The following MPP7 variants were observed in gnomAD, a reference collection of about 807,000 sequenced individuals.
MPP7 encodes the protein MAGUK p55 subfamily member 7.
MPP7 carries 60 observed loss-of-function variants against 76.5 expected under a neutral mutation model. That is an observed-to-expected ratio of 0.78 (90% confidence interval 0.64 to 0.97). MPP7 has a LOEUF of 0.97. MPP7 is among the 50% of genes least tolerant of loss of function. MPP7 has a pLI of 0.00. For missense variants in MPP7, 641 were observed against 694.0 expected (o/e 0.92, Z 0.86); for synonymous variants, 237 against 244.5 (o/e 0.97, Z 0.29).
intron 3 of MPP7, among the ~76,000 whole-genome samples, chr10:28,150,918 T>G (rs913953926): frequency 5.3e-5 from 8 of 152,288 alleles, no homozygotes; most frequent in Non-Finnish European, 1.2e-4. Flanking sequence ...TGTCAGCACT[T>G]AAGTTTCATC....
intron 3 of MPP7, among the ~76,000 whole-genome samples, chr10:28,170,987 T>C (rs1445817029): frequency 2.0e-5 from 3 of 152,230 alleles, no homozygotes; most frequent in African/African-American, 7.2e-5. Context: ...CTACACGCTC[T>C]GAGGAATAGC....
rs139135434 is a variant in MPP7 at position 28,238,599 on chromosome 10, T to A, written c.6A>T (p.Pro2=). The part of the protein sequence containing the change: M[P]ALSTGSGSDT... ...CACTCCCAGATCCCGTTGACAAAGCTGGCATGATGCAAGGTGTAGGAACAG... is the reference window on the plus strand; with the variant it reads ...CACTCCCAGATCCCGTTGACAAAGCAGGCATGATGCAAGGTGTAGGAACAG... The change falls in exon 2 of 17, where the codon CCA becomes CCT. Residue 2 remains proline (P), a synonymous_variant. Transcript: ENST00000683449. 1.2e-4 allele frequency: 200 copies of A among 1,614,048 alleles called. No homozygotes were observed. The highest frequency in any genetic ancestry group is 3.5e-5 in the Non-Finnish European group (41 of 1,180,008).
chr10:28,285,245 C>T (rs900554529), intron 1 of MPP7, among the ~76,000 whole-genome samples: 5 of 152,282 alleles, frequency 3.3e-5, no homozygotes, highest in South Asian at 4.1e-4. Context: ...AGTGCAATGG[C>T]GCAATCTTGG....
chr10:28,177,981 G>A (rs1451824631), intron 3 of MPP7, among the ~76,000 whole-genome samples: 7 of 152,128 alleles, frequency 4.6e-5, no homozygotes, highest in Non-Finnish European at 1.0e-4. Flanking sequence ...AAAAACTGAA[G>A]AGCCATGGAG....
chr10:28,127,473 T>C (rs924236897), intron 6 of MPP7, among the ~76,000 whole-genome samples: 2 of 152,162 alleles, frequency 1.3e-5, no homozygotes, highest in Non-Finnish European at 2.9e-5. Context: ...AATGGACTTA[T>C]AGTTCCATGT....
chr10:28,128,930 G>T (rs1017180255), intron 6 of MPP7, among the ~76,000 whole-genome samples: 1 of 152,066 alleles, frequency 6.6e-6, no homozygotes, highest in South Asian at 2.1e-4. Flanking sequence ...AACGCATAAG[G>T]GTCTCATTAT....
intron 13 of MPP7, among the ~76,000 whole-genome samples, chr10:28,060,680 G>A (rs1171954018): frequency 6.6e-6 from 1 of 152,168 alleles, no homozygotes; most frequent in Non-Finnish European, 1.5e-5. Flanking sequence ...TGGGACGGGG[G>A]GTAGAAAAAG....
At chr10:28,103,958 CTGG>C (rs1564632087) in intron 11 of MPP7, among the ~76,000 whole-genome samples, 1 of 152,120 alleles carries the variant, frequency 6.6e-6, no homozygotes, top group Non-Finnish European at 1.5e-5. Context: ...TGTGAAATTG[CTGG>C]CATTGTTATT....
chr10:28,279,476 C>T (rs1840602789), intron 1 of MPP7, among the ~76,000 whole-genome samples: 1 of 151,988 alleles, frequency 6.6e-6, no homozygotes, highest in African/African-American at 2.4e-5. Context: ...TGCCTGTAAT[C>T]CCATCACTTT....
chr10:28,080,628 CTGG>C (rs908876892), intron 12 of MPP7, among the ~76,000 whole-genome samples: 5 of 152,156 alleles, frequency 3.3e-5, no homozygotes, highest in African/African-American at 1.2e-4. Context: ...CCTGGCATAG[CTGG>C]TACACCGTAA....
In MPP7 at chr10:28,232,358, AACACACACAC is replaced by A. The variant is rs3064135; in HGVS notation, c.37+6200_37+6209del. On this transcript the variant is annotated intron_variant, in intron 2 of 16. Coordinates refer to ENST00000683449, the MANE Select transcript of MPP7 (RefSeq NM_001318170.2). ...GACAGAGTGAGATCCTGTCTCTTAA[AACACACACAC>A]ACACACACACACACACACACACAAA... Among the ~76,000 whole-genome samples the A allele has an allele frequency of 4.1e-5, 6 of 147,358 alleles. No individual in the cohort carries two copies. In the South Asian group the frequency reaches 8.7e-4, roughly 21 times the overall value.
chr10:28,329,786 T>G (rs1162669883), intron 2 of MPP7: 2 of 152,204 alleles, frequency 1.3e-5, no homozygotes, highest in Non-Finnish European at 2.9e-5. Context: ...GGATTTCCAG[T>G]AACTGAGGAT....
At chr10:28,070,652 G>A (rs1852200780) in intron 12 of MPP7, among the ~76,000 whole-genome samples, 3 of 152,124 alleles carry the variant, frequency 2.0e-5, no homozygotes, top group African/African-American at 7.2e-5. Flanking sequence ...ACTTCCTTAA[G>A]CATTTGAAAA....
intron 1 of MPP7, among the ~76,000 whole-genome samples, chr10:28,331,019 A>G (rs1036924274): frequency 6.6e-6 from 1 of 152,158 alleles, no homozygotes; most frequent in Non-Finnish European, 1.5e-5. Context: ...ACTGAGGACA[A>G]TTTGAAATTA....
intron 1 of MPP7, among the ~76,000 whole-genome samples, chr10:28,252,453 C>T (rs1839644393): frequency 6.6e-6 from 1 of 152,172 alleles, no homozygotes; most frequent in Non-Finnish European, 1.5e-5. Context: ...ATGGAACCAC[C>T]ACAGTACATA....
chr10:28,096,158 C>A (rs374751505), intron 11 of MPP7, among the ~76,000 whole-genome samples: 134 of 152,268 alleles, frequency 8.8e-4, no homozygotes, highest in African/African-American at 3.0e-3. Context: ...AATAAGACTG[C>A]AATAAACATC....
chr10:28,092,264 ATT>A (rs1853342271), intron 11 of MPP7, among the ~76,000 whole-genome samples: 1 of 152,198 alleles, frequency 6.6e-6, no homozygotes, highest in Non-Finnish European at 1.5e-5. Context: ...AGAAAAGGTT[ATT>A]TATAAAGGAT....
chr10:28,211,776 T>G (rs1838145554), intron 2 of MPP7, among the ~76,000 whole-genome samples: 1 of 150,538 alleles, frequency 6.6e-6, no homozygotes, highest in African/African-American at 2.4e-5. Flanking sequence ...GGGCAAGGAG[T>G]CCCATATGAC....
At chr10:28,332,361 C>G (rs1375359346) in intron 1 of MPP7, among the ~76,000 whole-genome samples, 2 of 151,940 alleles carry the variant, frequency 1.3e-5, no homozygotes, top group East Asian at 3.9e-4. Context: ...ATATTTCCCT[C>G]TTACTTATGA....
Sources: allele counts gnomAD v4.1 joint callset (sites outside exome capture counted in the v4.1 genomes callset), GRCh38; gene constraint gnomAD v4.1.1; transcripts MANE v1.5; gene names NCBI Gene and HGNC (gene_info 2026-07-23, HGNC 2026-07-21).